The following RABGAP1L variants were observed in gnomAD, a reference collection of about 807,000 sequenced individuals.
RABGAP1L encodes the protein rab GTPase-activating protein 1-like.
Under a neutral mutation model 137.7 loss-of-function variants are expected in RABGAP1L, and 63 were observed. The observed-to-expected ratio is 0.46, with a 90% CI of 0.37 to 0.56. RABGAP1L has a LOEUF of 0.56. RABGAP1L is among the 20% of genes least tolerant of loss of function. The probability of loss-of-function intolerance (pLI) is 0.00; values close to 1 mark genes in which losing one functional copy is unlikely to be tolerated. For missense variants in RABGAP1L, 1,095 were observed against 1,244.0 expected, an observed-to-expected ratio of 0.88 and a Z score of 1.80; for synonymous variants, 431 against 433.7, an observed-to-expected ratio of 0.99 and a Z score of 0.08.
intron 13 of RABGAP1L, among the ~76,000 whole-genome samples, chr1:174,609,876 C>G (rs1671063289): frequency 6.6e-6 from 1 of 151,928 alleles, no homozygotes; most frequent in Non-Finnish European, 1.5e-5. Context: ...AAACCCCAAA[C>G]AGTTTTTTAA....
At chr1:174,276,660 CT>C (rs1432897184) in intron 9 of RABGAP1L, among the ~76,000 whole-genome samples, 1 of 152,020 alleles carries the variant, frequency 6.6e-6, no homozygotes, top group Non-Finnish European at 1.5e-5. Flanking sequence ...TGGCTCCAGT[CT>C]TTTGGCCTTC....
At position 174,946,983 on chromosome 1, in the gene RABGAP1L, T is replaced by TAC. The variant is rs1666981713; in HGVS notation, c.2341-10473_2341-10472insCA. ...GTGTGTGTGTGTGTGTGTGTGTGTA[T>TAC]ATATATGTATATATATATGTATGTA... On this transcript the variant is annotated intron_variant, in intron 19 of 25. Coordinates refer to ENST00000681986, the MANE Select transcript of RABGAP1L (RefSeq NM_001366446.1). 2.1e-5 allele frequency among the ~76,000 whole-genome samples: 3 copies of TAC among 140,390 alleles called. No individual in the cohort carries two copies. In the South Asian group the frequency reaches 6.7e-4, roughly 32 times the overall value. 92.1% of individuals were successfully genotyped at this position (140,390 alleles called of 152,430 possible). A position where few individuals can be genotyped will look rare whatever the true frequency, so the allele number is the denominator to read the frequency against.
intron 15 of RABGAP1L, among the ~76,000 whole-genome samples, chr1:174,690,648 A>G (rs894857295): frequency 2.0e-5 from 3 of 152,160 alleles, no homozygotes; most frequent in Admixed American, 2.0e-4. Context: ...CTAATATATC[A>G]TACAGTGATA....
chr1:174,343,688 G>C (rs1682183200), intron 11 of RABGAP1L, among the ~76,000 whole-genome samples: 1 of 152,058 alleles, frequency 6.6e-6, no homozygotes, highest in South Asian at 2.1e-4. Flanking sequence ...TAGTCTGCCT[G>C]CATATTAGTC....
At chr1:174,370,487 T>TTTA (rs59938592) in intron 11 of RABGAP1L, among the ~76,000 whole-genome samples, 1 of 142,496 alleles carries the variant, frequency 7.0e-6, no homozygotes, top group Non-Finnish European at 1.5e-5. Flanking sequence ...TTTTTTTTTT[T>TTTA]ACAAATACAT....
At chr1:174,244,756 A>G (rs1250420574) in intron 5 of RABGAP1L, 2 of 152,210 alleles carry the variant, frequency 1.3e-5, no homozygotes, top group South Asian at 2.1e-4. Context: ...TTTTGGATAT[A>G]TTATATAAAA....
At chr1:174,835,394 T>C (rs1389168033) in intron 19 of RABGAP1L, among the ~76,000 whole-genome samples, 1 of 152,226 alleles carries the variant, frequency 6.6e-6, no homozygotes, top group Non-Finnish European at 1.5e-5. Context: ...TAATGAAAAT[T>C]TACCTTTTAT....
At chr1:174,627,857 G>A (rs1392168139) in intron 13 of RABGAP1L, among the ~76,000 whole-genome samples, 1 of 152,110 alleles carries the variant, frequency 6.6e-6, no homozygotes, top group Admixed American at 6.6e-5. Context: ...GCAGGAGAAA[G>A]GATACTCTCA....
chr1:174,964,055 C>T (rs1288969149), intron 20 of RABGAP1L, among the ~76,000 whole-genome samples: 2 of 152,158 alleles, frequency 1.3e-5, no homozygotes, highest in Non-Finnish European at 2.9e-5. Flanking sequence ...ACAAAACCTT[C>T]AAATATCCAT....
intron 13 of RABGAP1L, among the ~76,000 whole-genome samples, chr1:174,435,724 A>G (rs1055461799): frequency 6.6e-6 from 1 of 151,890 alleles, no homozygotes; most frequent in East Asian, 1.9e-4. Context: ...TTACATATGT[A>G]TACATGTGCC....
intron 11 of RABGAP1L, among the ~76,000 whole-genome samples, chr1:174,313,403 C>G (rs899775782): frequency 1.3e-5 from 2 of 152,076 alleles, no homozygotes; most frequent in African/African-American, 4.8e-5. Flanking sequence ...ATTATGTCAT[C>G]TGCAAAAAAG....
intron 15 of RABGAP1L, among the ~76,000 whole-genome samples, chr1:174,694,030 A>G (rs1679066356): frequency 6.6e-6 from 1 of 152,162 alleles, no homozygotes; most frequent in African/African-American, 2.4e-5. Context: ...ATAAATAAAA[A>G]TACATTGTAA....
At chr1:174,349,307 G>A (rs1281049127) in intron 11 of RABGAP1L, among the ~76,000 whole-genome samples, 3 of 131,070 alleles carry the variant, frequency 2.3e-5, no homozygotes, top group South Asian at 2.5e-4. Flanking sequence ...GGGGCGGCCG[G>A]GCAGAGGCGC....
At chr1:174,810,356 C>T (rs145633971) in intron 18 of RABGAP1L, among the ~76,000 whole-genome samples, 44 of 152,256 alleles carry the variant, frequency 2.9e-4, no homozygotes. Flanking sequence ...CAGAGAAGGT[C>T]TCACTCAGAT....
intron 14 of RABGAP1L, among the ~76,000 whole-genome samples, chr1:174,658,725 C>G (rs144081972): frequency 6.6e-6 from 1 of 152,026 alleles, no homozygotes; most frequent in African/African-American, 2.4e-5. Context: ...ACCAGGCCAC[C>G]CCTGTGTGAA....
At chr1:174,898,937 T>A (rs1156792822) in intron 19 of RABGAP1L, among the ~76,000 whole-genome samples, 2 of 151,968 alleles carry the variant, frequency 1.3e-5, no homozygotes, top group African/African-American at 4.8e-5. Context: ...AAAAAAAGGG[T>A]ATGAGTTTTT....
intron 13 of RABGAP1L, among the ~76,000 whole-genome samples, chr1:174,604,172 C>A (rs1340753725): frequency 2.6e-5 from 4 of 152,086 alleles, no homozygotes; most frequent in Admixed American, 2.6e-4. Flanking sequence ...TTATTTAGGA[C>A]CCCAAAGCAC....
intron 13 of RABGAP1L, among the ~76,000 whole-genome samples, chr1:174,627,866 C>A (rs147609188): frequency 8.5e-5 from 13 of 152,218 alleles, no homozygotes; most frequent in African/African-American, 1.2e-4. Flanking sequence ...AGGATACTCT[C>A]AAGAACTTTG....
At chr1:174,453,524 A>G (rs1319231038) in intron 13 of RABGAP1L, among the ~76,000 whole-genome samples, 1 of 152,206 alleles carries the variant, frequency 6.6e-6, no homozygotes, top group East Asian at 1.9e-4. Flanking sequence ...TAACATTCTG[A>G]GCATAGATAG....
Sources: gnomAD v4.1 joint callset for allele counts (sites outside exome capture counted in the v4.1 genomes callset) on GRCh38, gnomAD v4.1.1 for gene constraint, MANE v1.5 for transcripts, NCBI Gene and HGNC (gene_info 2026-07-23, HGNC 2026-07-21) for gene names.